The following CTNNA3 variants were observed in gnomAD, a reference collection of about 807,000 sequenced individuals.
The protein encoded by CTNNA3 is catenin alpha 3.
In CTNNA3, 76 loss-of-function variants were observed where a neutral mutation model predicts 95.7. That is an observed-to-expected ratio of 0.79 (90% CI 0.66 to 0.96). CTNNA3 has a LOEUF of 0.96. Among genes scored for constraint, CTNNA3 ranks in the 40% least tolerant of loss-of-function variants. The pLI is 0.00. For missense variants in CTNNA3, 1,191 were observed against 1,089.8 expected (o/e 1.09, Z -1.31); for synonymous variants, 431 against 374.4 (o/e 1.15, Z -1.74).
chr10:66,776,653 T>C (rs951240742), intron 7 of CTNNA3, among the ~76,000 whole-genome samples: 3 of 152,176 alleles, frequency 2.0e-5, no homozygotes, highest in Admixed American at 6.6e-5. Context: ...AGTTCTTACA[T>C]GTAATGTACC....
intron 13 of CTNNA3, among the ~76,000 whole-genome samples, chr10:66,267,515 G>T (rs536133502): frequency 2.2e-4 from 33 of 152,148 alleles, no homozygotes; most frequent in Non-Finnish European, 3.5e-4. Context: ...CCTGTCATTT[G>T]CTTATGTACC....
chr10:66,896,336 C>T (rs1845492010), intron 7 of CTNNA3, among the ~76,000 whole-genome samples: 1 of 152,078 alleles, frequency 6.6e-6, no homozygotes. Context: ...AAACAGAATT[C>T]ATATTTTGTT....
At chr10:66,306,563 C>T (rs1351299394) in intron 12 of CTNNA3, among the ~76,000 whole-genome samples, 1 of 152,104 alleles carries the variant, frequency 6.6e-6, no homozygotes. Flanking sequence ...CCTGATACTG[C>T]CTCCACTTAA....
intron 9 of CTNNA3, among the ~76,000 whole-genome samples, chr10:66,746,706 G>A (rs1469298530): frequency 6.6e-6 from 1 of 152,066 alleles, no homozygotes; most frequent in Non-Finnish European, 1.5e-5. Context: ...AAAAATTGTG[G>A]TAGAGAGAGA....
At chr10:67,086,632 T>G (rs1373380186) in intron 7 of CTNNA3, among the ~76,000 whole-genome samples, 1 of 151,880 alleles carries the variant, frequency 6.6e-6, no homozygotes, top group Non-Finnish European at 1.5e-5. Flanking sequence ...AAAATGCCAG[T>G]TGGAAAGCAA....
chr10:66,202,940 C>T (rs2087526249), intron 13 of CTNNA3, among the ~76,000 whole-genome samples: 1 of 152,282 alleles, frequency 6.6e-6, no homozygotes, highest in Middle Eastern at 3.4e-3. Flanking sequence ...GCAAGGTTTC[C>T]TCCTTTTAGT....
chr10:66,448,022 G>A (rs1589265817), intron 11 of CTNNA3, among the ~76,000 whole-genome samples: 1 of 152,172 alleles, frequency 6.6e-6, no homozygotes, highest in Admixed American at 6.5e-5. Context: ...CGAAGGATAT[G>A]AGCAGATACT....
chr10:67,495,722 T>C (rs1468874127), intron 5 of CTNNA3, among the ~76,000 whole-genome samples: 2 of 152,212 alleles, frequency 1.3e-5, no homozygotes, highest in Non-Finnish European at 2.9e-5. Flanking sequence ...GAATTTGCCA[T>C]TTTTTATTAC....
At chr10:66,659,318 A>G (rs936360627) in intron 9 of CTNNA3, among the ~76,000 whole-genome samples, 2 of 152,100 alleles carry the variant, frequency 1.3e-5, no homozygotes, top group Non-Finnish European at 1.5e-5. Flanking sequence ...TGGAGAGAGA[A>G]GGTCTCTCTG....
At chr10:67,692,180 C>G (rs1840877968) in intron 1 of CTNNA3, among the ~76,000 whole-genome samples, 1 of 151,280 alleles carries the variant, frequency 6.6e-6, no homozygotes, top group African/African-American at 2.4e-5. Flanking sequence ...CTCTGCCCGG[C>G]CGCCCCTACT....
At chr10:66,711,245 C>T (rs1053015194) in intron 9 of CTNNA3, among the ~76,000 whole-genome samples, 21 of 113,224 alleles carry the variant, frequency 1.9e-4, no homozygotes, top group Non-Finnish European at 3.0e-4. Flanking sequence ...AGCCTTTCAC[C>T]GTGAACAAGA....
intron 15 of CTNNA3, among the ~76,000 whole-genome samples, chr10:65,992,252 C>A (rs949623538): frequency 6.6e-6 from 1 of 152,006 alleles, no homozygotes; most frequent in Non-Finnish European, 1.5e-5. Flanking sequence ...GAGGGTAATA[C>A]TGCCTCATAA....
chr10:66,228,254 C>T (rs1354542787), intron 13 of CTNNA3, among the ~76,000 whole-genome samples: 1 of 152,010 alleles, frequency 6.6e-6, no homozygotes, highest in Non-Finnish European at 1.5e-5. Flanking sequence ...TCTCAGAATG[C>T]ATCATTAGGT....
intron 7 of CTNNA3, among the ~76,000 whole-genome samples, chr10:67,043,354 C>A (rs1308575569): frequency 6.6e-6 from 1 of 151,964 alleles, no homozygotes; most frequent in African/African-American, 2.4e-5. Context: ...ATTACAGAAC[C>A]ACAGCAATAA....
At chr10:66,642,331 C>T (rs889214427) in intron 9 of CTNNA3, among the ~76,000 whole-genome samples, 1 of 151,282 alleles carries the variant, frequency 6.6e-6, no homozygotes, top group African/African-American at 2.4e-5. Context: ...ATCTTACATT[C>T]CCTCCACCCA....
intron 6 of CTNNA3, among the ~76,000 whole-genome samples, chr10:67,207,746 T>C (rs537923992): frequency 6.6e-6 from 1 of 152,316 alleles, no homozygotes; most frequent in South Asian, 2.1e-4. Context: ...ATTACCCGAA[T>C]ACTCAGTCTA....
chr10:66,568,275 T>A (rs2132156241), intron 10 of CTNNA3, among the ~76,000 whole-genome samples: 1 of 152,196 alleles, frequency 6.6e-6, no homozygotes, highest in East Asian at 1.9e-4. Flanking sequence ...TCATTGAAAA[T>A]CAATTAGAGT....
At chr10:67,281,407 T>A (rs565245584) in intron 5 of CTNNA3, among the ~76,000 whole-genome samples, 21 of 152,290 alleles carry the variant, frequency 1.4e-4, no homozygotes, top group African/African-American at 4.6e-4. Context: ...ATAAAATATA[T>A]CAGCACGCTG....
chr10:67,644,046 C>T (rs553306421), intron 2 of CTNNA3, among the ~76,000 whole-genome samples: 2 of 152,176 alleles, frequency 1.3e-5, no homozygotes, highest in Non-Finnish European at 2.9e-5. Context: ...TGGATATATA[C>T]CCAGTAACAA....
Sources: gnomAD v4.1 joint callset for allele counts (sites outside exome capture counted in the v4.1 genomes callset) on GRCh38, gnomAD v4.1.1 for gene constraint, MANE v1.5 for transcripts, NCBI Gene and HGNC (gene_info 2026-07-23, HGNC 2026-07-21) for gene names.